ACTN4: variants seen among roughly 807,000 people sequenced by gnomAD.
The protein encoded by ACTN4 is actinin alpha 4, also known as alpha-actinin-4.
Under a neutral mutation model 114.2 loss-of-function variants are expected in ACTN4, and 18 were observed. The observed-to-expected ratio is 0.16, with a 90% CI of 0.11 to 0.23. The LOEUF (loss-of-function observed/expected upper bound fraction) is 0.23. ACTN4 is among the 10% of genes least tolerant of loss of function. ACTN4 has a pLI of 1.00. For missense variants in ACTN4, 722 were observed against 1,262.9 expected, an observed-to-expected ratio of 0.57 and a Z score of 6.49; for synonymous variants, 515 against 506.3, an observed-to-expected ratio of 1.02 and a Z score of -0.23.
chr19:38,730,456 G>GAT lies in ACTN4; in HGVS notation c.*1025_*1026dup, dbSNP rs1305241397. ...TTTTTTTTTTGAGTTTATTCTGATT[G>GAT]ATTTTTTTTCTTGGTTTCTGGATAA... On this transcript the variant is annotated 3_prime_UTR_variant, in exon 21 of 21. Coordinates refer to ENST00000252699, the MANE Select transcript of ACTN4 (RefSeq NM_004924.6). 9.3e-6 allele frequency: 2 copies of GAT among 215,156 alleles called. No individual in the cohort carries two copies. The highest frequency in any genetic ancestry group is 2.3e-4 in the East Asian group (2 of 8,804). 13.3% of individuals were successfully genotyped at this position (215,156 alleles called of 1,614,324 possible). A position where few individuals can be genotyped will look rare whatever the true frequency, so the allele number is the denominator to read the frequency against.
intron 1 of ACTN4, among the ~76,000 whole-genome samples, chr19:38,657,821 A>G (rs117415439): frequency 0.022 from 3,388 of 152,268 alleles, 70 homozygotes; most frequent in Admixed American, 0.057. Context: ...TAGCAAAATG[A>G]CAGGCCTTCT....
At chr19:38,707,528 A>T (rs1968501234) in intron 5 of ACTN4, among the ~76,000 whole-genome samples, 1 of 152,126 alleles carries the variant, frequency 6.6e-6, no homozygotes, top group African/African-American at 2.4e-5. Flanking sequence ...AATGTGACCC[A>T]TATAGCTTGT....
In ACTN4 at chr19:38,729,268, C is replaced by T. The variant is rs751899002; in HGVS notation, c.2578-6C>T. The T allele has an allele frequency of 6.2e-7, 1 of 1,612,828 alleles. No homozygotes were observed. The highest frequency in any genetic ancestry group is 8.5e-7 in the Non-Finnish European group (1 of 1,179,976). On this transcript the variant is annotated splice_polypyrimidine_tract_variant and splice_region_variant and intron_variant, in intron 20 of 20. Coordinates refer to ENST00000252699, the MANE Select transcript of ACTN4 (RefSeq NM_004924.6). ...ATGGCTCAGAGTCCCATCCTGCCTG[C>T]CCCAGAACTTCATCACAGCTGAGGA...
At position 38,669,485 on chromosome 19, in the gene ACTN4, C is replaced by T. The variant is rs536347530; in HGVS notation, c.162+21578C>T. Among the ~76,000 whole-genome samples, 15 of 152,250 alleles carry T rather than the reference C, an allele frequency of 9.9e-5. No individual in the cohort carries two copies. In the South Asian group the frequency reaches 3.1e-3, roughly 32 times the overall value. On this transcript the variant is annotated intron_variant, in intron 1 of 20. Coordinates refer to ENST00000252699, the MANE Select transcript of ACTN4 (RefSeq NM_004924.6). ...CCAGTCTGGTTTGGAGTAGATGGGACTGGGTAGGGGACTAGTCTTGAAGCT... is the reference window on the plus strand; with the variant it reads ...CCAGTCTGGTTTGGAGTAGATGGGATTGGGTAGGGGACTAGTCTTGAAGCT...
chr19:38,720,945 G>A (rs894730864), intron 11 of ACTN4, among the ~76,000 whole-genome samples: 2 of 152,246 alleles, frequency 1.3e-5, no homozygotes. Context: ...GTTCTGGGAT[G>A]TGTAATTAGC....
At chr19:38,667,992 C>T (rs1267436586) in intron 1 of ACTN4, among the ~76,000 whole-genome samples, 1 of 152,160 alleles carries the variant, frequency 6.6e-6, no homozygotes, top group East Asian at 1.9e-4. Flanking sequence ...TCAGAAGAGC[C>T]AGGCCTGGTT....
In ACTN4 at chr19:38,708,429, A is replaced by G. The variant is rs559284495; in HGVS notation, c.651+234A>G. ...TCCAGTCTCCCTCCATGGCACTGCA[A>G]CCAACCCGGGGTTATTTAAGGGCCT... On this transcript the variant is annotated intron_variant, in intron 6 of 20. Coordinates refer to ENST00000252699, the MANE Select transcript of ACTN4 (RefSeq NM_004924.6). Among the ~76,000 whole-genome samples the G allele has an allele frequency of 3.3e-5, 5 of 152,258 alleles. No individual in the cohort carries two copies. The South Asian group carries it at 8.3e-4, about 25-fold the overall frequency.
intron 17 of ACTN4, 109 bp from the exon 18 acceptor site, chr19:38,726,848 C>A: frequency 6.6e-7 from 1 of 1,511,672 alleles, no homozygotes. Flanking sequence ...TACAGGAGAG[C>A]AGGGGCTTTC....
At chr19:38,709,544 C>T (rs1293007938) in intron 7 of ACTN4, 68 bp downstream of exon 7, 10 of 1,400,864 alleles carry the variant, frequency 7.1e-6, no homozygotes, top group Non-Finnish European at 9.1e-6. Flanking sequence ...GGGCTGGCCT[C>T]GGGCAAGGGG....
At chr19:38,709,509 G>A in intron 7 of ACTN4, 33 bp downstream of exon 7, 1 of 1,584,348 alleles carries the variant, frequency 6.3e-7, no homozygotes. Context: ...CCACCACTGT[G>A]CTTCCTGATG....
intron 9 of ACTN4, among the ~76,000 whole-genome samples, 185 bp from the exon 10 acceptor site, chr19:38,716,901 G>A (rs974478949): frequency 9.9e-5 from 15 of 152,266 alleles, no homozygotes; most frequent in African/African-American, 3.6e-4. Flanking sequence ...GGGAGCCCAC[G>A]CTCCCAGAGT....
At chr19:38,701,232 G>A (rs1455080277) in intron 3 of ACTN4, 111 bp downstream of exon 3, 1 of 1,543,992 alleles carries the variant, frequency 6.5e-7, no homozygotes, top group East Asian at 2.3e-5. Context: ...GGCGCTTGGG[G>A]CACTCAGAGC....
rs973454204 is a variant in ACTN4, at chr19:38,731,318, A to G, written c.*1886A>G. On this transcript the variant is annotated 3_prime_UTR_variant, in exon 21 of 21. Transcript: ENST00000252699. Reference sequence around the variant, plus strand: ...CCTCCTCAGGGAGGACATGAATGCCACAGGGTGTCACACCCCAACTCTGCC... The same window carrying G: ...CCTCCTCAGGGAGGACATGAATGCCGCAGGGTGTCACACCCCAACTCTGCC... 3.3e-6 allele frequency: 3 copies of G among 896,446 alleles called. No homozygotes were observed. The highest frequency in any genetic ancestry group is 5.5e-6 in the Non-Finnish European group (3 of 547,350). 55.5% of individuals were successfully genotyped at this position (896,446 alleles called of 1,614,324 possible).
chr19:38,729,438 C>G lies in ACTN4; in HGVS notation c.*6C>G, dbSNP rs1969396791. 1.2e-6 allele frequency: 2 copies of G among 1,612,578 alleles called. No individual in the cohort carries two copies. Among genetic ancestry groups the G allele is most frequent in the South Asian group, 2.2e-5 (2 of 91,074 alleles). On this transcript the variant is annotated 3_prime_UTR_variant, in exon 21 of 21. Coordinates refer to ENST00000252699, the MANE Select transcript of ACTN4 (RefSeq NM_004924.6). ...ATGGCGAGAGCGACCTGTGAGGCCCCAGAGACCTGACCCAACACCCCCGAC... is the reference window on the plus strand; with the variant it reads ...ATGGCGAGAGCGACCTGTGAGGCCCGAGAGACCTGACCCAACACCCCCGAC...
intron 5 of ACTN4, among the ~76,000 whole-genome samples, chr19:38,706,690 A>G (rs1419618128): frequency 2.0e-5 from 3 of 152,226 alleles, no homozygotes; most frequent in South Asian, 2.1e-4. Flanking sequence ...AAGTGCTGGG[A>G]CTACAGATGT....
intron 1 of ACTN4, among the ~76,000 whole-genome samples, chr19:38,678,132 T>A (rs1967436526): frequency 6.6e-6 from 1 of 152,240 alleles, no homozygotes; most frequent in Non-Finnish European, 1.5e-5. Context: ...TTTGTGCTCA[T>A]GTTTACTGAG....
Position 38,711,167 on chromosome 19 carries a change from C to T in ACTN4, c.819+825C>T, listed in dbSNP as rs572977222. 6.4e-4 allele frequency: 259 copies of T among 406,864 alleles called. 1 individual carries two copies. Among genetic ancestry groups the T allele is most frequent in the African/African-American group, 5.5e-3 (252 of 45,932 alleles). 25.2% of individuals were successfully genotyped at this position (406,864 alleles called of 1,614,324 possible). On this transcript the variant is annotated intron_variant, in intron 8 of 20. Transcript: ENST00000252699. ...GCAGGCCTGGGGCTGGCTTCCAGTCCAGAGCAAGTGCTCTTCCTCCTGCAT... is the reference window on the plus strand; with the variant it reads ...GCAGGCCTGGGGCTGGCTTCCAGTCTAGAGCAAGTGCTCTTCCTCCTGCAT...
chr19:38,658,242 G>A (rs768157760), intron 1 of ACTN4, among the ~76,000 whole-genome samples: 3 of 152,204 alleles, frequency 2.0e-5, no homozygotes, highest in Non-Finnish European at 2.9e-5. Context: ...CATGAAATCC[G>A]CTGCTGGCTT....
chr19:38,676,813 G>A (rs1967390791), intron 1 of ACTN4, among the ~76,000 whole-genome samples: 1 of 152,140 alleles, frequency 6.6e-6, no homozygotes, highest in African/African-American at 2.4e-5. Flanking sequence ...AGTGGCCCAG[G>A]TGCTGATGCC....
Sources: allele counts gnomAD v4.1 joint callset (sites outside exome capture counted in the v4.1 genomes callset), GRCh38; gene constraint gnomAD v4.1.1; transcripts MANE v1.5; gene names NCBI Gene and HGNC (gene_info 2026-07-23, HGNC 2026-07-21).